Variants in DENND1A observed in about 807,000 individuals in gnomAD.
DENND1A encodes DENN domain containing 1A, also known as DENN domain-containing protein 1A.
Under a neutral mutation model 113.7 loss-of-function variants are expected in DENND1A, and 51 were observed. The ratio of observed to expected loss-of-function variants is 0.45; its 90% CI spans 0.36 to 0.57. The LOEUF is 0.57. DENND1A is among the 20% of genes least tolerant of loss of function. The probability of loss-of-function intolerance (pLI) is 0.00; values close to 1 mark genes in which losing one functional copy is unlikely to be tolerated. For missense variants in DENND1A, 1,258 were observed against 1,395.9 expected, an observed-to-expected ratio of 0.90 and a Z score of 1.57; for synonymous variants, 565 against 570.8, an observed-to-expected ratio of 0.99 and a Z score of 0.14.
rs562629447 is a variant in DENND1A, at chr9:123,596,075, G to A, written c.766-12805C>T. Among the ~76,000 whole-genome samples, 6 of 152,288 alleles carry A rather than the reference G, an allele frequency of 3.9e-5. 1 individual carries two copies. In the South Asian group the frequency reaches 1.0e-3, roughly 26 times the overall value. On this transcript the variant is annotated intron_variant, in intron 11 of 23. Coordinates refer to ENST00000394215, the MANE Select transcript of DENND1A (RefSeq NM_001352964.2). ...CCACAGCTGCAAAGCACAAACATGC[G>A]ATGATATGGCAGAGCACTCCATAAG...
intron 12 of DENND1A, among the ~76,000 whole-genome samples, chr9:123,566,671 C>T (rs942756040): frequency 6.6e-6 from 1 of 152,022 alleles, no homozygotes; most frequent in East Asian, 1.9e-4. Context: ...CCAAAAAAGG[C>T]CTGTTTCCAC....
chr9:123,469,186 C>T lies in DENND1A; in HGVS notation c.994-11289G>A, dbSNP rs534260010. ...AAGGCAGCTTTCTGAACCATTTGCA[C>T]GGTGGCCGAGGCATGTCAGAAATAG... On this transcript the variant is annotated intron_variant, in intron 13 of 23. Transcript: ENST00000394215. 5.7e-4 allele frequency among the ~76,000 whole-genome samples: 87 copies of T among 152,326 alleles called. 1 individual carries two copies. The highest frequency in any genetic ancestry group is 3.4e-3 in the Middle Eastern group (1 of 294).
intron 3 of DENND1A, among the ~76,000 whole-genome samples, chr9:123,774,452 A>C (rs1830179283): frequency 6.6e-6 from 1 of 152,220 alleles, no homozygotes; most frequent in Admixed American, 6.5e-5. Context: ...AATGTTGATC[A>C]GAAGTTTCCT....
chr9:123,829,797 G>A (rs942624361), intron 2 of DENND1A, among the ~76,000 whole-genome samples: 1 of 151,992 alleles, frequency 6.6e-6, no homozygotes, highest in Non-Finnish European at 1.5e-5. Context: ...ACCTTTTAAG[G>A]AACAACACAT....
At chr9:123,801,065 C>T (rs895074580) in intron 2 of DENND1A, among the ~76,000 whole-genome samples, 5 of 152,202 alleles carry the variant, frequency 3.3e-5, no homozygotes, top group African/African-American at 7.2e-5. Flanking sequence ...CCCCACTCCA[C>T]CCTGCTTCCA....
intron 13 of DENND1A, among the ~76,000 whole-genome samples, chr9:123,470,720 C>A (rs1024981854): frequency 1.3e-5 from 2 of 152,226 alleles, no homozygotes; most frequent in Non-Finnish European, 2.9e-5. Flanking sequence ...ACTGAGGAGA[C>A]AGGCCCCCCT....
chr9:123,519,010 T>A (rs1428945152), intron 13 of DENND1A, among the ~76,000 whole-genome samples: 2 of 152,204 alleles, frequency 1.3e-5, no homozygotes. Context: ...TCACCTTGCT[T>A]GCTACATCCT....
chr9:123,414,844 C>A (rs183975420), intron 19 of DENND1A, among the ~76,000 whole-genome samples: 1 of 152,166 alleles, frequency 6.6e-6, no homozygotes, highest in Non-Finnish European at 1.5e-5. Flanking sequence ...CACAGCACAC[C>A]GGCTGTCGTT....
chr9:123,429,402 C>A (rs912369071), intron 19 of DENND1A, among the ~76,000 whole-genome samples: 1 of 152,006 alleles, frequency 6.6e-6, no homozygotes, highest in Non-Finnish European at 1.5e-5. Flanking sequence ...CTAAAAAATA[C>A]AAAAATTAGC....
chr9:123,751,157 A>G (rs2069991399), intron 5 of DENND1A: 1 of 152,248 alleles, frequency 6.6e-6, no homozygotes, highest in Admixed American at 6.5e-5. Flanking sequence ...CAAAGTTCTT[A>G]AAGCCAGACT....
intron 5 of DENND1A, among the ~76,000 whole-genome samples, chr9:123,740,294 T>C (rs898403173): frequency 5.3e-5 from 8 of 152,184 alleles, no homozygotes; most frequent in Non-Finnish European, 1.2e-4. Context: ...GCAGCAAAAA[T>C]AGAAATCTGG....
chr9:123,928,933 A>G (rs1857553633), intron 1 of DENND1A: 1 of 976,632 alleles, frequency 1.0e-6, no homozygotes, highest in Non-Finnish European at 1.2e-6. Context: ...AATGCCCTTA[A>G]ACAATTCTAT....
intron 12 of DENND1A, among the ~76,000 whole-genome samples, chr9:123,568,772 T>C (rs1045021179): frequency 6.6e-6 from 1 of 151,728 alleles, no homozygotes; most frequent in Non-Finnish European, 1.5e-5. Context: ...CCCAAGGGGA[T>C]CCGGGCATCT....
chr9:123,796,701 G>C (rs1833817000), intron 2 of DENND1A, among the ~76,000 whole-genome samples: 1 of 151,286 alleles, frequency 6.6e-6, no homozygotes, highest in Non-Finnish European at 1.5e-5. Flanking sequence ...ATTCATAAAA[G>C]TGCTGTGGTT....
chr9:123,415,761 T>G (rs2044674677), intron 19 of DENND1A, among the ~76,000 whole-genome samples: 1 of 152,204 alleles, frequency 6.6e-6, no homozygotes, highest in Non-Finnish European at 1.5e-5. Context: ...ATGCGGGGCA[T>G]CTGATGGCAC....
chr9:123,466,881 TA>T (rs55719445), intron 13 of DENND1A, among the ~76,000 whole-genome samples: 414 of 147,166 alleles, frequency 2.8e-3, no homozygotes, highest in African/African-American at 9.3e-3. Flanking sequence ...CCCCATCTCT[TA>T]AAAAAAAAAA....
At chr9:123,418,344 C>G (rs2044921830) in intron 19 of DENND1A, among the ~76,000 whole-genome samples, 1 of 152,232 alleles carries the variant, frequency 6.6e-6, no homozygotes, top group South Asian at 2.1e-4. Flanking sequence ...TGGCCCTCGG[C>G]ATCTCTATCT....
intron 2 of DENND1A, among the ~76,000 whole-genome samples, chr9:123,872,041 G>A (rs1232235067): frequency 1.3e-5 from 2 of 152,162 alleles, no homozygotes; most frequent in Admixed American, 1.3e-4. Flanking sequence ...GAGACCTTTG[G>A]TCGCACAGAC....
At chr9:123,890,329 C>T (rs1849715843) in intron 1 of DENND1A, among the ~76,000 whole-genome samples, 2 of 152,286 alleles carry the variant, frequency 1.3e-5, no homozygotes, top group African/African-American at 4.8e-5. Flanking sequence ...TGAAAAGCTT[C>T]ACCATCTCCC....
Sources: allele counts gnomAD v4.1 joint callset (sites outside exome capture counted in the v4.1 genomes callset), GRCh38; gene constraint gnomAD v4.1.1; transcripts MANE v1.5; gene names NCBI Gene and HGNC (gene_info 2026-07-23, HGNC 2026-07-21).